The following ZFHX4 variants were observed in gnomAD, a reference collection of about 807,000 sequenced individuals.
The protein encoded by ZFHX4 is zinc finger homeobox protein 4.
Under a neutral mutation model 267.6 loss-of-function variants are expected in ZFHX4, and 56 were observed. That is an observed-to-expected ratio of 0.21 (90% CI 0.17 to 0.26). The LOEUF (loss-of-function observed/expected upper bound fraction) is 0.26. ZFHX4 is among the 10% of genes least tolerant of loss of function. The pLI is 1.00. For missense variants in ZFHX4, 4,332 were observed against 4,420.0 expected (o/e 0.98, Z 0.56); for synonymous variants, 1,778 against 1,665.6 (o/e 1.07, Z -1.64).
intron 3 of ZFHX4, among the ~76,000 whole-genome samples, chr8:76,716,206 T>C (rs916422610): frequency 3.3e-5 from 5 of 152,158 alleles, no homozygotes; most frequent in Non-Finnish European, 7.4e-5. Flanking sequence ...TTACTATCTA[T>C]ATAAAATTTA....
At chr8:76,754,136 A>G (rs1585911122) in intron 3 of ZFHX4, among the ~76,000 whole-genome samples, 1 of 152,126 alleles carries the variant, frequency 6.6e-6, no homozygotes, top group Non-Finnish European at 1.5e-5. Flanking sequence ...TCTTAGGAAC[A>G]TATTTGTTTA....
chr8:76,721,324 G>A lies in ZFHX4; in HGVS notation c.3093+13276G>A, dbSNP rs1688354083. 2.6e-5 allele frequency among the ~76,000 whole-genome samples: 4 copies of A among 152,036 alleles called. No homozygotes were observed. In the South Asian group the frequency reaches 8.3e-4, roughly 32 times the overall value. On this transcript the variant is annotated intron_variant, in intron 3 of 10. Transcript: ENST00000651372. ...TATATTTGTAGGAATGAAAAAATTG[G>A]TACATTTATGACAGCTTAAATCTAC...
At chr8:76,684,833 G>A (rs1807651205) in intron 1 of ZFHX4, among the ~76,000 whole-genome samples, 4 of 152,220 alleles carry the variant, frequency 2.6e-5, no homozygotes, top group Admixed American at 2.6e-4. Context: ...TTCTTCATGA[G>A]CAAAGGAAAA....
intron 5 of ZFHX4, among the ~76,000 whole-genome samples, chr8:76,838,540 T>C (rs1184201369): frequency 6.6e-6 from 1 of 151,898 alleles, no homozygotes; most frequent in Non-Finnish European, 1.5e-5. Context: ...TAGATTTGAG[T>C]GGGGCATGAT....
chr8:76,759,994 G>C (rs546292199), intron 3 of ZFHX4, among the ~76,000 whole-genome samples: 4 of 152,116 alleles, frequency 2.6e-5, no homozygotes, highest in Non-Finnish European at 4.4e-5. Context: ...CCATAGATAT[G>C]GTCATTCAGT....
chr8:76,783,933 G>A (rs894091424), intron 4 of ZFHX4, among the ~76,000 whole-genome samples: 3 of 151,840 alleles, frequency 2.0e-5, no homozygotes, highest in African/African-American at 7.3e-5. Context: ...TTTTGAAGCC[G>A]AATTACTACC....
intron 8 of ZFHX4, chr8:76,849,980 C>G (rs1288606980): frequency 1.7e-6 from 1 of 572,056 alleles, no homozygotes; most frequent in Non-Finnish European, 3.1e-6. Flanking sequence ...CCCCAGTGGG[C>G]ACCTTGCATT....
intron 6 of ZFHX4, among the ~76,000 whole-genome samples, chr8:76,848,107 G>T (rs1362128322): frequency 6.6e-6 from 1 of 152,138 alleles, no homozygotes; most frequent in African/African-American, 2.4e-5. Flanking sequence ...GTCAGATGAT[G>T]CCATGCTATG....
chr8:76,801,624 CT>C (rs1811119800), intron 4 of ZFHX4, among the ~76,000 whole-genome samples: 1 of 152,176 alleles, frequency 6.6e-6, no homozygotes, highest in African/African-American at 2.4e-5. Flanking sequence ...ATTTTCATCA[CT>C]TTTATTTAAA....
intron 3 of ZFHX4, among the ~76,000 whole-genome samples, chr8:76,737,121 G>A (rs1277874844): frequency 1.3e-5 from 2 of 152,112 alleles, no homozygotes; most frequent in African/African-American, 2.4e-5. Flanking sequence ...CTGCTCTGAT[G>A]TTTTCCCTAT....
chr8:76,833,652 A>G, intron 5 of ZFHX4: 1 of 407,150 alleles, frequency 2.5e-6, no homozygotes, highest in Non-Finnish European at 4.6e-6. Flanking sequence ...CTCCCCTGAC[A>G]CATGTATAGC....
chr8:76,849,857 C>A, intron 8 of ZFHX4, 145 bp downstream of exon 8: 1 of 879,144 alleles, frequency 1.1e-6, no homozygotes, highest in Non-Finnish European at 1.7e-6. Flanking sequence ...TAGTCACACT[C>A]AAGGCCCATT....
At chr8:76,755,159 C>A (rs1268869777) in intron 3 of ZFHX4, among the ~76,000 whole-genome samples, 1 of 152,102 alleles carries the variant, frequency 6.6e-6, no homozygotes, top group Admixed American at 6.5e-5. Context: ...TGTTCACATA[C>A]TTTGCACAAT....
chr8:76,709,775 A>ATGTGTGCGTG (rs904591649), intron 3 of ZFHX4, among the ~76,000 whole-genome samples: 3 of 149,324 alleles, frequency 2.0e-5, no homozygotes, highest in Non-Finnish European at 4.4e-5. Flanking sequence ...ATTTAAATGT[A>ATGTGTGCGTG]TGTGTGCGTG....
At chr8:76,833,439 C>T (rs1462215978) in intron 5 of ZFHX4, 33 bp downstream of exon 5, 1 of 1,535,960 alleles carries the variant, frequency 6.5e-7, no homozygotes, top group Admixed American at 1.8e-5. Context: ...AAAATATTTC[C>T]TTGTCCTAAA....
At chr8:76,785,936 C>T (rs897326399) in intron 4 of ZFHX4, among the ~76,000 whole-genome samples, 3 of 152,114 alleles carry the variant, frequency 2.0e-5, no homozygotes, top group African/African-American at 7.2e-5. Context: ...TGAATCTGAA[C>T]GGGTTCACTA....
At chr8:76,732,742 T>C (rs1809054334) in intron 3 of ZFHX4, among the ~76,000 whole-genome samples, 1 of 152,148 alleles carries the variant, frequency 6.6e-6, no homozygotes. Context: ...TAAAAACTGG[T>C]TTTCCCTCAA....
chr8:76,851,205 C>A lies in ZFHX4; in HGVS notation c.4284C>A (p.Asn1428Lys), dbSNP rs762959024. The change falls in exon 10 of 11, where the codon AAC becomes AAA. Residue 1428 changes from asparagine to lysine, a missense_variant. Physicochemically the swap from Asn to Lys is moderately conservative, Grantham distance 94 (BLOSUM62 0). This residue lies in a region of ZFHX4 where 1,371 missense variants were observed against 1,423.1 expected (regional missense o/e 0.96). Transcript: ENST00000651372. The part of the protein sequence containing the change: ...YHAIRAATMC[N>K]LCQRSFRTFQ... The stretch of plus-strand genomic sequence containing the variant: ...CAATTCGGGCTGCGACAATGTGTAA[C>A]CTCTGCCAGCGCAGTTTCCGTACAT... 1.2e-6 allele frequency: 2 copies of A among 1,613,742 alleles called. No homozygotes were observed. Among genetic ancestry groups the A allele is most frequent in the African/African-American group, 2.7e-5 (2 of 74,928 alleles).
rs756216647 is a variant in ZFHX4, at chr8:76,863,926, A to G, written c.10212A>G (p.Ile3404Met). The G allele has an allele frequency of 2.4e-5, 39 of 1,596,454 alleles. No individual in the cohort carries two copies. Among genetic ancestry groups the G allele is most frequent in the Non-Finnish European group, 3.4e-6 (4 of 1,170,900 alleles). Residue 3404 changes from isoleucine (I) to methionine (M), a missense_variant, in exon 11 of 11, where the codon ATA (isoleucine) becomes ATG (methionine). Ile to Met is a conservative substitution (Grantham distance 10). Around this residue, in one of 7 missense-constraint regions of ZFHX4, gnomAD observed 1,648 missense variants for 1,625.0 expected, o/e 1.01. Coordinates refer to ENST00000651372, the MANE Select transcript of ZFHX4 (RefSeq NM_024721.5). ...YVVPFVKYEF[I>M]CRKCQMMFTD... ...TTCCATTCGTCAAGTATGAGTTTAT[A>G]TGCAGAAAGTGCCAGATGATGTTTA... is the stretch of plus-strand genomic sequence containing the variant.
Sources: gnomAD v4.1 joint callset for allele counts (sites outside exome capture counted in the v4.1 genomes callset) on GRCh38, gnomAD v4.1.1 for gene constraint, gnomAD v4.1.1 regional missense constraint, MANE v1.5 for transcripts, NCBI Gene and HGNC (gene_info 2026-07-23, HGNC 2026-07-21) for gene names.